Variants in TRIM28 observed in about 807,000 individuals in gnomAD.
TRIM28 encodes tripartite motif containing 28.
Under a neutral mutation model 87.4 loss-of-function variants are expected in TRIM28, and 8 were observed. That is an observed-to-expected ratio of 0.09 (90% CI 0.05 to 0.17). The LOEUF (loss-of-function observed/expected upper bound fraction) is 0.17. Ranked by LOEUF, TRIM28 falls within the 10% of genes least tolerant of loss-of-function variation. TRIM28 has a pLI of 1.00. For missense variants in TRIM28, 968 were observed against 1,131.8 expected, an observed-to-expected ratio of 0.86 and a Z score of 2.08; for synonymous variants, 601 against 454.3, an observed-to-expected ratio of 1.32 and a Z score of -4.11.
At position 58,548,312 on chromosome 19, in the gene TRIM28, C is replaced by A; in HGVS notation, c.1120C>A (p.Arg374=). The part of the protein sequence containing the change: ...SKKLIYFQLH[R]ALKMIVDPVE... ...CAACCAGATCTACTTCCAGCTGCACCGGGCCCTCAAGATGATTGTGGATCC... is the reference window on the plus strand; with the variant it reads ...CAACCAGATCTACTTCCAGCTGCACAGGGCCCTCAAGATGATTGTGGATCC... Residue 374 remains arginine (R), a synonymous_variant, in exon 8 of 17, where the codon CGG becomes AGG. Coordinates refer to ENST00000253024, the MANE Select transcript of TRIM28 (RefSeq NM_005762.3). 1 of 1,614,076 alleles carries A rather than the reference C, an allele frequency of 6.2e-7. No individual in the cohort carries two copies. The highest frequency in any genetic ancestry group is 1.3e-5 in the African/African-American group (1 of 74,998).
At chr19:58,545,571 C>G (rs2053754232) in intron 2 of TRIM28, 34 bp downstream of exon 2, 1 of 1,564,428 alleles carries the variant, frequency 6.4e-7, no homozygotes, top group African/African-American at 1.4e-5. Context: ...AAGGAGGTTT[C>G]TGGGGAGGGG....
intron 6 of TRIM28, 48 bp downstream of exon 6, chr19:58,547,954 T>C (rs747759690): frequency 1.9e-4 from 300 of 1,613,514 alleles, no homozygotes; most frequent in Non-Finnish European, 2.5e-4. Context: ...CTCTGCTGAT[T>C]GATGATGCTG....
In TRIM28 at chr19:58,550,640, TC is replaced by T; in HGVS notation, c.*90del. On this transcript the variant is annotated 3_prime_UTR_variant, in exon 17 of 17. Transcript: ENST00000253024. Reference sequence around the variant, plus strand: ...ACTCCCCTGGTGGCCTGACTCCCACTCCCTGGTGGCCCCATCCCCCAGTTCC... The same window carrying T: ...ACTCCCCTGGTGGCCTGACTCCCACTCCTGGTGGCCCCATCCCCCAGTTCC... 2 of 1,365,364 alleles carry T rather than the reference TC, an allele frequency of 1.5e-6. No individual in the cohort carries two copies. The highest frequency in any genetic ancestry group is 2.0e-6 in the Non-Finnish European group (2 of 1,009,284). 84.6% of individuals were successfully genotyped at this position (1,365,364 alleles called of 1,614,324 possible). A position where few individuals can be genotyped will look rare whatever the true frequency, so the allele number is the denominator to read the frequency against.
Position 58,550,478 on chromosome 19 carries a change from G to T in TRIM28, c.2433G>T (p.Glu811Asp). 6.2e-7 allele frequency: 1 copy of T among 1,607,358 alleles called. No individual in the cohort carries two copies. Among genetic ancestry groups the T allele is most frequent in the Non-Finnish European group, 8.5e-7 (1 of 1,179,816 alleles). Residue 811 changes from glutamate to aspartate, a missense_variant, in exon 17 of 17, where the codon GAG becomes GAT. Coordinates refer to ENST00000253024, the MANE Select transcript of TRIM28 (RefSeq NM_005762.3). ...CCAAGTTCTCTGCTGTGCTGGTGGA[G>T]CCCCCGCCGATGAGCCTGCCTGGTG... ...GDTKFSAVLV[E>D]PPPMSLPGAG... is the part of the protein sequence containing the mutation.
chr19:58,544,735 T>G lies in TRIM28; in HGVS notation c.-23T>G, dbSNP rs2053744062. On this transcript the variant is annotated 5_prime_UTR_variant, in exon 1 of 17. Transcript: ENST00000253024. ...GGGCCCCGCGCCCCTCCTCCCCCCCTGGGCGCCCCCGGCGGCGTGTGAATG... is the reference window on the plus strand; with the variant it reads ...GGGCCCCGCGCCCCTCCTCCCCCCCGGGGCGCCCCCGGCGGCGTGTGAATG... 3 of 1,035,674 alleles carry G rather than the reference T, an allele frequency of 2.9e-6. No individual in the cohort carries two copies. The highest frequency in any genetic ancestry group is 4.5e-5 in the South Asian group (1 of 22,370). The allele number at this position is 1,035,674 out of a possible 1,614,324, so 64.2% of individuals were successfully genotyped here. A position where few individuals can be genotyped will look rare whatever the true frequency, so the allele number is the denominator to read the frequency against.
At position 58,547,903 on chromosome 19, in the gene TRIM28, C is replaced by T; in HGVS notation, c.951C>T (p.Ala317=). ...NKRGRVLVND[A]QKVTEGQQER... The stretch of plus-strand genomic sequence containing the variant: ...GGGGCCGTGTGCTGGTCAATGATGC[C>T]CAGGTAAGCCTTGTGCCGGTGAGAA... Residue 317 remains alanine, a synonymous_variant, in exon 6 of 17, where the codon GCC becomes GCT. Coordinates refer to ENST00000253024, the MANE Select transcript of TRIM28 (RefSeq NM_005762.3). 3 of 1,614,098 alleles carry T rather than the reference C, an allele frequency of 1.9e-6. No individual in the cohort carries two copies. The highest frequency in any genetic ancestry group is 2.2e-5 in the East Asian group (1 of 44,884).
chr19:58,549,233 T>C lies in TRIM28; in HGVS notation c.1655T>C (p.Ile552Thr). The change falls in exon 12 of 17, where the codon ATT becomes ACT. Residue 552 changes from isoleucine to threonine, a missense_variant. Coordinates refer to ENST00000253024, the MANE Select transcript of TRIM28 (RefSeq NM_005762.3). This position sits in a 1 kb window ranked among gnomAD's most constrained non-coding sequence, Gnocchi z 4.4. ...PGAPPLAGMA[I>T]VKEEETEAAI... is the part of the protein sequence containing the mutation. ...GCCCCACCCCTGGCTGGCATGGCCA[T>C]TGTCAAGGTAAGCCTGTCCCAAGGA... 1 of 1,613,404 alleles carries C rather than the reference T, an allele frequency of 6.2e-7. No homozygotes were observed. Among genetic ancestry groups the C allele is most frequent in the South Asian group, 1.1e-5 (1 of 91,050 alleles).
Position 58,549,181 on chromosome 19 carries a change from G to C in TRIM28, c.1603G>C (p.Gly535Arg). The change falls in exon 12 of 17, where the codon GGG (glycine) becomes CGG (arginine). Residue 535 changes from glycine to arginine, a missense_variant. Physicochemically the swap from Gly to Arg is moderately radical, Grantham distance 125. Around this residue, in one of 11 missense-constraint regions of TRIM28, gnomAD observed 164 missense variants for 146.2 expected, o/e 1.12. Transcript: ENST00000253024. This position sits in a 1 kb window ranked among gnomAD's most constrained non-coding sequence, Gnocchi z 4.4. ...GAAAAATGQP[G>R]TAPAGTPGAP... The stretch of plus-strand genomic sequence containing the variant: ...TGCCGCTGCAGCTACCGGCCAGCCA[G>C]GGACTGCGCCTGCAGGAACCCCTGG... 6.2e-7 allele frequency: 1 copy of C among 1,613,946 alleles called. No homozygotes were observed. Among genetic ancestry groups the C allele is most frequent in the Non-Finnish European group, 8.5e-7 (1 of 1,179,926 alleles).
chr19:58,549,253 C>T lies in TRIM28; in HGVS notation c.1662+13C>T. On this transcript the variant is annotated intron_variant, in intron 12 of 16. Transcript: ENST00000253024. This position sits in a 1 kb window ranked among gnomAD's most constrained non-coding sequence, Gnocchi z 4.4. Reference sequence around the variant, plus strand: ...GGCCATTGTCAAGGTAAGCCTGTCCCAAGGAACTATAGCTGTAGGATGAAG... The same window carrying T: ...GGCCATTGTCAAGGTAAGCCTGTCCTAAGGAACTATAGCTGTAGGATGAAG... 1.9e-6 allele frequency: 3 copies of T among 1,610,944 alleles called. No homozygotes were observed. Among genetic ancestry groups the T allele is most frequent in the Non-Finnish European group, 1.7e-6 (2 of 1,177,942 alleles).
At chr19:58,546,480 G>A (rs1039620669) in intron 3 of TRIM28, among the ~76,000 whole-genome samples, 1 of 152,148 alleles carries the variant, frequency 6.6e-6, no homozygotes, top group Non-Finnish European at 1.5e-5. Context: ...CCCATGAGTG[G>A]CCTTTTGGTA....
rs1375755373 is a variant in TRIM28, at chr19:58,545,471, C to G, written c.387C>G (p.Ile129Met). ...AGCAACAGTGCTTCTCCAAAGACAT[C>G]GTGGAGAATTATTTCATGCGTGATA... ...VCKQQCFSKD[I>M]VENYFMRDSG... Residue 129 changes from isoleucine to methionine, a missense_variant, in exon 2 of 17, where the codon ATC becomes ATG. Coordinates refer to ENST00000253024, the MANE Select transcript of TRIM28 (RefSeq NM_005762.3). The G allele has an allele frequency of 6.2e-7, 1 of 1,604,198 alleles. No homozygotes were observed. The highest frequency in any genetic ancestry group is 8.5e-7 in the Non-Finnish European group (1 of 1,174,888).
intron 5 of TRIM28, 30 bp from the exon 6 acceptor site, chr19:58,547,762 C>T: frequency 1.2e-6 from 2 of 1,613,804 alleles, no homozygotes; most frequent in Non-Finnish European, 1.7e-6. Flanking sequence ...CAGCAAGACC[C>T]TACCTAGCCT....
intron 2 of TRIM28, 47 bp from the exon 3 acceptor site, chr19:58,545,717 A>AG: frequency 1.3e-6 from 2 of 1,583,424 alleles, no homozygotes; most frequent in South Asian, 2.2e-5. Context: ...GTAAACGTGG[A>AG]TCTATCAAGT....
Position 58,545,072 on chromosome 19 carries a change from C to T in TRIM28, c.315C>T (p.Asp105=), listed in dbSNP as rs1447426326. The change falls in exon 1 of 17, where the codon GAC becomes GAT. Residue 105 remains aspartate (D), a synonymous_variant. Coordinates refer to ENST00000253024, the MANE Select transcript of TRIM28 (RefSeq NM_005762.3). ...CCGCCGCCGCCAACAGCTCGGGGGA[C>T]GGCGGGGCGGCGGGCGACGGCACCG... ...AAPAAANSSG[D]GGAAGDGTVV... 2.1e-6 allele frequency: 3 copies of T among 1,438,304 alleles called. No homozygotes were observed. The highest frequency in any genetic ancestry group is 3.2e-5 in the Admixed American group (1 of 31,062). 89.1% of individuals were successfully genotyped at this position (1,438,304 alleles called of 1,614,324 possible). A position where few individuals can be genotyped will look rare whatever the true frequency, so the allele number is the denominator to read the frequency against.
Position 58,549,883 on chromosome 19 carries a change from T to G in TRIM28, c.2106+23T>G. 1 of 1,613,154 alleles carries G rather than the reference T, an allele frequency of 6.2e-7. No individual in the cohort carries two copies. The highest frequency in any genetic ancestry group is 8.5e-7 in the Non-Finnish European group (1 of 1,179,296). On this transcript the variant is annotated intron_variant, in intron 14 of 16. Transcript: ENST00000253024. This position sits in a 1 kb window ranked among gnomAD's most constrained non-coding sequence, Gnocchi z 4.4. ...CGGGTGAGGGCTGGGGTTACTTAGG[T>G]GGGGTTGCCCAGAGAGGCTTTATAG...
chr19:58,545,259 C>G (rs577368192), intron 1 of TRIM28, 162 bp downstream of exon 1: 3 of 887,630 alleles, frequency 3.4e-6, no homozygotes, highest in South Asian at 3.5e-5. Context: ...TTGTGCTGGC[C>G]GCTGAGATGG....
In TRIM28 at chr19:58,549,847, C is replaced by T. The variant is rs766350608; in HGVS notation, c.2093C>T (p.Pro698Leu). ...ACTGGCGTGGTGGCCAAGCTCTCAC[C>T]AGCCAACCAGCGGGTGAGGGCTGGG... ...DSTGVVAKLS[P>L]ANQRKCERVL... The change falls in exon 14 of 17, where the codon CCA (proline) becomes CTA (leucine). Residue 698 changes from proline to leucine, a missense_variant. Around this residue, in one of 11 missense-constraint regions of TRIM28, gnomAD observed 192 missense variants for 225.6 expected, o/e 0.85. Transcript: ENST00000253024. This position sits in a 1 kb window ranked among gnomAD's most constrained non-coding sequence, Gnocchi z 4.4. The T allele has an allele frequency of 1.3e-5, 21 of 1,612,276 alleles. No individual in the cohort carries two copies. In the African/African-American group the frequency reaches 2.0e-4, roughly 15 times the overall value.
In TRIM28 at chr19:58,549,260, C is replaced by T. The variant is rs181259096; in HGVS notation, c.1662+20C>T. ...GTCAAGGTAAGCCTGTCCCAAGGAA[C>T]TATAGCTGTAGGATGAAGCCTGTAG... On this transcript the variant is annotated intron_variant, in intron 12 of 16. Transcript: ENST00000253024. The surrounding 1 kb of genome is among the most constrained non-coding windows in gnomAD (Gnocchi z 4.4). 1 of 1,607,950 alleles carries T rather than the reference C, an allele frequency of 6.2e-7. No homozygotes were observed. Among genetic ancestry groups the T allele is most frequent in the African/African-American group, 1.3e-5 (1 of 74,922 alleles).
In TRIM28 at chr19:58,544,855, C is replaced by T. The variant is rs932583036; in HGVS notation, c.98C>T (p.Ser33Phe). 15 of 1,304,250 alleles carry T rather than the reference C, an allele frequency of 1.2e-5. No individual in the cohort carries two copies. The highest frequency in any genetic ancestry group is 4.0e-5 in the Admixed American group (1 of 25,286). The allele number at this position is 1,304,250 out of a possible 1,614,324, so 80.8% of individuals were successfully genotyped here. A position where few individuals can be genotyped will look rare whatever the true frequency, so the allele number is the denominator to read the frequency against. ...GGCTCCGCTGGCGGCGAAAAGCGCT[C>T]CACCGCCCCTTCGGCCGCAGCCTCG... ...GEGSAGGEKRSTAPSAAASAS... is the reference protein window; with the variant it reads ...GEGSAGGEKRFTAPSAAASAS... The change falls in exon 1 of 17, where the codon TCC becomes TTC. Residue 33 changes from serine (S) to phenylalanine (F), a missense_variant. Physicochemically the swap from Ser to Phe is radical, Grantham distance 155. Transcript: ENST00000253024.
Sources: gnomAD v4.1 joint callset for allele counts (sites outside exome capture counted in the v4.1 genomes callset) on GRCh38, gnomAD v4.1.1 for gene constraint, gnomAD v4.1.1 regional missense constraint, Gnocchi (gnomAD v3.1) non-coding constraint, MANE v1.5 for transcripts, NCBI Gene and HGNC (gene_info 2026-07-23, HGNC 2026-07-21) for gene names.